The following CISD2 variants were observed in gnomAD, a reference collection of about 807,000 sequenced individuals.
CISD2 encodes the protein CDGSH iron-sulfur domain-containing protein 2.
In CISD2, 1 loss-of-function variant was observed where a neutral mutation model predicts 12.9. That is an observed-to-expected ratio of 0.08 (90% CI 0.03 to 0.37). The LOEUF is 0.37. Ranked by LOEUF, CISD2 falls within the 10% of genes least tolerant of loss-of-function variation. The pLI, the probability that CISD2 is intolerant of heterozygous loss-of-function variation, is 0.99. For missense variants in CISD2, 97 were observed against 163.1 expected, an observed-to-expected ratio of 0.59 and a Z score of 2.21; for synonymous variants, 50 against 60.6, an observed-to-expected ratio of 0.83 and a Z score of 0.81.
chr4:102,880,076 G>A (rs926102684), intron 1 of CISD2, among the ~76,000 whole-genome samples: 2 of 152,036 alleles, frequency 1.3e-5, no homozygotes, highest in Non-Finnish European at 2.9e-5. Context: ...CTGAGTAGCT[G>A]GGATTACAGG....
chr4:102,878,915 C>T (rs1245782369), intron 1 of CISD2, among the ~76,000 whole-genome samples: 3 of 152,174 alleles, frequency 2.0e-5, no homozygotes, highest in Admixed American at 2.0e-4. Flanking sequence ...AAAAATACTA[C>T]CCCAAACTGG....
chr4:102,886,749 G>A (rs1436308447), intron 2 of CISD2, among the ~76,000 whole-genome samples: 4 of 112,590 alleles, frequency 3.6e-5, no homozygotes, highest in South Asian at 7.2e-4. Context: ...CCAAGTACCC[G>A]AGACACAGGC....
chr4:102,891,916 G>A lies in CISD2; in HGVS notation c.*4486G>A, dbSNP rs1438305443. Reference sequence around the variant, plus strand: ...ATAGTCCCTTTGCACCACAGAGGTTGGAGTATAGAATATGCCCAAAGCTGT... The same window carrying A: ...ATAGTCCCTTTGCACCACAGAGGTTAGAGTATAGAATATGCCCAAAGCTGT... On this transcript the variant is annotated 3_prime_UTR_variant, in exon 3 of 3. Coordinates refer to ENST00000273986, the MANE Select transcript of CISD2 (RefSeq NM_001008388.5). 1 of 152,172 alleles carries A rather than the reference G, an allele frequency of 6.6e-6. No homozygotes were observed. Among genetic ancestry groups the A allele is most frequent in the Non-Finnish European group, 1.5e-5 (1 of 68,028 alleles). The allele number at this position is 152,172 out of a possible 1,614,324, so 9.4% of individuals were successfully genotyped here.
In CISD2 at chr4:102,888,757, C is replaced by A. The variant is rs223311; in HGVS notation, c.*1327C>A. On this transcript the variant is annotated 3_prime_UTR_variant, in exon 3 of 3. Coordinates refer to ENST00000273986, the MANE Select transcript of CISD2 (RefSeq NM_001008388.5). ...GGAGTTCAAGGCCAGGCTGGGCAACCTAGTGCTCCGCCTCTGCTGGGCTCT... is the reference window on the plus strand; with the variant it reads ...GGAGTTCAAGGCCAGGCTGGGCAACATAGTGCTCCGCCTCTGCTGGGCTCT... 0.58 allele frequency: 88,719 copies of A among 152,154 alleles called. 27,416 individuals are homozygous for A. Among genetic ancestry groups the A allele is most frequent in the African/African-American group, 0.8 (33,355 of 41,510 alleles). 9.4% of individuals were successfully genotyped at this position (152,154 alleles called of 1,614,324 possible).
intron 1 of CISD2, among the ~76,000 whole-genome samples, chr4:102,883,594 T>C (rs1296423020): frequency 1.3e-5 from 2 of 152,206 alleles, no homozygotes; most frequent in East Asian, 3.8e-4. Flanking sequence ...GGTGCCCATA[T>C]TGAATAGCAC....
Position 102,891,097 on chromosome 4 carries a change from C to T in CISD2, c.*3667C>T, listed in dbSNP as rs1485854744. 1 of 151,180 alleles carries T rather than the reference C, an allele frequency of 6.6e-6. No individual in the cohort carries two copies. The highest frequency in any genetic ancestry group is 2.1e-4 in the South Asian group (1 of 4,824). The allele number at this position is 151,180 out of a possible 1,614,324, so 9.4% of individuals were successfully genotyped here. On this transcript the variant is annotated 3_prime_UTR_variant, in exon 3 of 3. Transcript: ENST00000273986. ...TGTATGTGTTTACATATTACATCTA[C>T]TTTATTAACAATTTTCCCTCTGTTA...
chr4:102,876,886 C>T (rs909182906), intron 1 of CISD2, among the ~76,000 whole-genome samples: 3 of 152,176 alleles, frequency 2.0e-5, no homozygotes, highest in Non-Finnish European at 2.9e-5. Context: ...ACCTTCTTCA[C>T]AAGGAGGCTG....
chr4:102,883,037 C>T (rs10020074), intron 1 of CISD2, among the ~76,000 whole-genome samples: 16,928 of 152,192 alleles, frequency 0.11, 1,025 homozygotes, highest in Admixed American at 0.15. Context: ...TGAGCCACCA[C>T]GCCCACATGT....
intron 1 of CISD2, among the ~76,000 whole-genome samples, chr4:102,876,812 C>G (rs958585497): frequency 6.6e-6 from 1 of 152,034 alleles, no homozygotes; most frequent in Non-Finnish European, 1.5e-5. Flanking sequence ...TTAGTTGACT[C>G]ACAGTTCTGC....
In CISD2 at chr4:102,891,227, C is replaced by T. The variant is rs1306423778; in HGVS notation, c.*3797C>T. On this transcript the variant is annotated 3_prime_UTR_variant, in exon 3 of 3. Transcript: ENST00000273986. ...TTTTTAATGGTAGAGGCAGCAGCTA[C>T]CCAGAGTCTACTTATTCTTACTTCA... The T allele has an allele frequency of 6.8e-6, 1 of 146,730 alleles. No homozygotes were observed. Among genetic ancestry groups the T allele is most frequent in the Non-Finnish European group, 1.5e-5 (1 of 67,906 alleles). The allele number at this position is 146,730 out of a possible 1,614,324, so 9.1% of individuals were successfully genotyped here. A position where few individuals can be genotyped will look rare whatever the true frequency, so the allele number is the denominator to read the frequency against.
chr4:102,884,383 T>C (rs1733807385), intron 1 of CISD2, among the ~76,000 whole-genome samples: 1 of 152,236 alleles, frequency 6.6e-6, no homozygotes, highest in Non-Finnish European at 1.5e-5. Flanking sequence ...TATTTCCACA[T>C]AGTGCCTAGC....
intron 1 of CISD2, among the ~76,000 whole-genome samples, chr4:102,875,602 T>C (rs1351475228): frequency 1.3e-5 from 2 of 152,242 alleles, no homozygotes; most frequent in Admixed American, 1.3e-4. Context: ...ACAGACCTTG[T>C]AGGAATTATC....
chr4:102,883,741 G>A (rs1362204905), intron 1 of CISD2, among the ~76,000 whole-genome samples: 1 of 152,274 alleles, frequency 6.6e-6, no homozygotes, highest in Non-Finnish European at 1.5e-5. Context: ...GGCAGACAAA[G>A]TTCATACTTT....
chr4:102,872,313 G>A (rs1437952875), intron 1 of CISD2, among the ~76,000 whole-genome samples: 6 of 152,182 alleles, frequency 3.9e-5, no homozygotes, highest in African/African-American at 9.6e-5. Flanking sequence ...CAGGTAATCC[G>A]TCTGCCTCGG....
At chr4:102,886,469 C>T (rs945192878) in intron 2 of CISD2, among the ~76,000 whole-genome samples, 1 of 151,268 alleles carries the variant, frequency 6.6e-6, no homozygotes, top group African/African-American at 2.4e-5. Flanking sequence ...CCAGCCTGGG[C>T]GACAAGGTGA....
chr4:102,871,272 A>G (rs1303231004), intron 1 of CISD2, among the ~76,000 whole-genome samples: 2 of 152,216 alleles, frequency 1.3e-5, no homozygotes, highest in African/African-American at 4.8e-5. Flanking sequence ...TAGTGTCAAC[A>G]AATATTTAAT....
Position 102,892,101 on chromosome 4 carries a change from C to G in CISD2, c.*4671C>G, listed in dbSNP as rs1308600689. On this transcript the variant is annotated 3_prime_UTR_variant, in exon 3 of 3. Coordinates refer to ENST00000273986, the MANE Select transcript of CISD2 (RefSeq NM_001008388.5). ...TGAGACAAAGTCTGGCCCTGTCACC[C>G]AGGCTGGAGTGCGGGGGCATGATCG... The G allele has an allele frequency of 6.6e-6, 1 of 152,192 alleles. No individual in the cohort carries two copies. The highest frequency in any genetic ancestry group is 1.5e-5 in the Non-Finnish European group (1 of 68,042). The allele number at this position is 152,192 out of a possible 1,614,324, so 9.4% of individuals were successfully genotyped here. A position where few individuals can be genotyped will look rare whatever the true frequency, so the allele number is the denominator to read the frequency against.
At chr4:102,879,281 T>G (rs1268756292) in intron 1 of CISD2, among the ~76,000 whole-genome samples, 3 of 151,946 alleles carry the variant, frequency 2.0e-5, no homozygotes, top group Non-Finnish European at 2.9e-5. Flanking sequence ...ATAGTAATAA[T>G]TATATAGTAA....
intron 1 of CISD2, among the ~76,000 whole-genome samples, chr4:102,870,012 G>A (rs1487845996): frequency 1.3e-5 from 2 of 152,144 alleles, no homozygotes; most frequent in Non-Finnish European, 2.9e-5. Flanking sequence ...CATTGTAAGG[G>A]GGATATTTCT....
Sources: gnomAD v4.1 joint callset for allele counts (sites outside exome capture counted in the v4.1 genomes callset) on GRCh38, gnomAD v4.1.1 for gene constraint, MANE v1.5 for transcripts, NCBI Gene and HGNC (gene_info 2026-07-23, HGNC 2026-07-21) for gene names.